MSH3: variants seen among roughly 807,000 people sequenced by gnomAD.
MSH3 encodes mutS homolog 3.
A neutral mutation model predicts 123.3 loss-of-function variants in MSH3; 106 were observed. That is an observed-to-expected ratio of 0.86 (90% confidence interval 0.73 to 1.01). MSH3 has a LOEUF of 1.01. Among genes scored for constraint, MSH3 ranks in the 50% least tolerant of loss-of-function variants. The pLI, the probability that MSH3 is intolerant of heterozygous loss-of-function variation, is 0.00. For missense variants in MSH3, 1,459 were observed against 1,347.6 expected (o/e 1.08, Z -1.29); for synonymous variants, 515 against 481.4 (o/e 1.07, Z -0.91).
intron 20 of MSH3, among the ~76,000 whole-genome samples, chr5:80,827,384 G>A (rs1426308697): frequency 6.6e-6 from 1 of 152,166 alleles, no homozygotes; most frequent in African/African-American, 2.4e-5. Context: ...TCTTGAAAGA[G>A]AATTGGAAGA....
At chr5:80,719,782 C>T (rs1463137989) in intron 8 of MSH3, among the ~76,000 whole-genome samples, 2 of 152,218 alleles carry the variant, frequency 1.3e-5, no homozygotes, top group Admixed American at 6.5e-5. Flanking sequence ...ATATGTATTA[C>T]ATGCTCACCA....
chr5:80,705,631 T>A (rs1750704165), intron 8 of MSH3, among the ~76,000 whole-genome samples: 1 of 152,228 alleles, frequency 6.6e-6, no homozygotes, highest in Admixed American at 6.5e-5. Flanking sequence ...AGAAATTCAT[T>A]ATTTCATAGT....
rs761779919 is a variant in MSH3, at chr5:80,678,930, G to A, written c.1177G>A (p.Val393Met). ...KGNIFIGIVG[V>M]QPATGEVVFD... The stretch of plus-strand genomic sequence containing the variant: ...TTATATTTGTATTTGTTTTTAGGGA[G>A]TGCAGCCTGCCACAGGCGAGGTTGT... The change falls in exon 8 of 24, where the codon GTG becomes ATG. Residue 393 changes from valine to methionine, a missense_variant. By Grantham distance (21) the Val-to-Met change is conservative. Coordinates refer to ENST00000265081, the MANE Select transcript of MSH3 (RefSeq NM_002439.5). The A allele has an allele frequency of 1.1e-4, 174 of 1,613,988 alleles. No individual in the cohort carries two copies. The highest frequency in any genetic ancestry group is 1.3e-5 in the Non-Finnish European group (15 of 1,180,008).
intron 8 of MSH3, among the ~76,000 whole-genome samples, chr5:80,692,665 CATGTATAT>C (rs1750329235): frequency 7.1e-6 from 1 of 139,966 alleles, no homozygotes; most frequent in Admixed American, 7.1e-5. Flanking sequence ...TATATATACA[CATGTATAT>C]GTTTATGTTT....
At chr5:80,703,789 A>G (rs1012326988) in intron 8 of MSH3, among the ~76,000 whole-genome samples, 33 of 152,054 alleles carry the variant, frequency 2.2e-4, no homozygotes, top group African/African-American at 7.7e-4. Context: ...GATGTGCTCT[A>G]GAAACATATA....
intron 19 of MSH3, among the ~76,000 whole-genome samples, chr5:80,804,219 CTT>C (rs1744842557): frequency 6.6e-6 from 1 of 152,164 alleles, no homozygotes; most frequent in Non-Finnish European, 1.5e-5. Context: ...TGTGTGTCCT[CTT>C]TAATTTTTTG....
intron 15 of MSH3, among the ~76,000 whole-genome samples, chr5:80,770,980 TTATCTTTAC>T (rs1744205112): frequency 6.6e-6 from 1 of 152,188 alleles, no homozygotes. Context: ...CAGTTATCTT[TTATCTTTAC>T]TAGGTTAAGT....
chr5:80,691,900 T>G (rs190247065), intron 8 of MSH3, among the ~76,000 whole-genome samples: 2 of 134,274 alleles, frequency 1.5e-5, no homozygotes, highest in African/African-American at 2.8e-5. Flanking sequence ...TATATGTTTA[T>G]ATAGATAAAC....
chr5:80,808,136 AATT>A (rs1671870312), intron 19 of MSH3, among the ~76,000 whole-genome samples: 1 of 152,080 alleles, frequency 6.6e-6, no homozygotes, highest in Non-Finnish European at 1.5e-5. Context: ...ATAGTCTTCT[AATT>A]ATTTGTTGCT....
chr5:80,824,757 A>G (rs978541716), intron 20 of MSH3, among the ~76,000 whole-genome samples: 6 of 152,200 alleles, frequency 3.9e-5, no homozygotes, highest in African/African-American at 1.4e-4. Context: ...ACTAAGCATT[A>G]CTATTGTATA....
Position 80,854,315 on chromosome 5 carries a change from A to T in MSH3, c.2999A>T (p.Asp1000Val). Residue 1000 changes from aspartate to valine, a missense_variant and splice_region_variant, in exon 21 of 24, where the codon GAT becomes GTT. Physicochemically the swap from Asp to Val is radical, Grantham distance 152. Transcript: ENST00000265081. Reference protein sequence around the residue: ...AYATLEYFIRDVKSLTLFVTH... With the variant: ...AYATLEYFIRVVKSLTLFVTH... ...GCTACACTTGAGTATTTCATCAGAGATGTAAGTATCCGGTAAACTGTATTT... is the reference window on the plus strand; with the variant it reads ...GCTACACTTGAGTATTTCATCAGAGTTGTAAGTATCCGGTAAACTGTATTT... The T allele has an allele frequency of 6.2e-7, 1 of 1,612,604 alleles. No individual in the cohort carries two copies. Among genetic ancestry groups the T allele is most frequent in the Non-Finnish European group, 8.5e-7 (1 of 1,178,730 alleles).
chr5:80,680,963 G>A (rs1749959468), intron 8 of MSH3, among the ~76,000 whole-genome samples: 1 of 152,210 alleles, frequency 6.6e-6, no homozygotes, highest in African/African-American at 2.4e-5. Flanking sequence ...CGTTTCTGAT[G>A]ATTTCCTTAA....
rs1478384836 is a variant in MSH3, at chr5:80,876,244, A to G, written c.*382A>G. ...GGGTGAATCTGGCAGGAATCTATCC[A>G]TTGAACTAAAATAATTTTATTATGC... On this transcript the variant is annotated 3_prime_UTR_variant, in exon 24 of 24. Transcript: ENST00000265081. 8.1e-6 allele frequency: 2 copies of G among 247,190 alleles called. No homozygotes were observed. The highest frequency in any genetic ancestry group is 1.6e-5 in the Non-Finnish European group (2 of 127,432). 15.3% of individuals were successfully genotyped at this position (247,190 alleles called of 1,614,324 possible). A position where few individuals can be genotyped will look rare whatever the true frequency, so the allele number is the denominator to read the frequency against.
chr5:80,831,890 C>T (rs911806968), intron 20 of MSH3, among the ~76,000 whole-genome samples: 72 of 151,950 alleles, frequency 4.7e-4, no homozygotes, highest in African/African-American at 1.6e-3. Flanking sequence ...GGGTGGATCA[C>T]GAGGTCAGGA....
intron 12 of MSH3, chr5:80,746,761 T>C: frequency 2.5e-6 from 1 of 401,376 alleles, no homozygotes; most frequent in Non-Finnish European, 5.0e-6. Flanking sequence ...ACAGATTGTT[T>C]GGCAATTTCC....
intron 21 of MSH3, among the ~76,000 whole-genome samples, chr5:80,859,060 C>T (rs959516122): frequency 1.3e-5 from 2 of 151,970 alleles, no homozygotes; most frequent in African/African-American, 4.8e-5. Flanking sequence ...CTCTAACTTC[C>T]TTTAGAAATT....
rs147777411 is a variant in MSH3, at chr5:80,670,317, G to C, written c.792+8G>C. The C allele has an allele frequency of 6.2e-7, 1 of 1,611,852 alleles. No homozygotes were observed. The highest frequency in any genetic ancestry group is 1.7e-5 in the Admixed American group (1 of 60,016). ...TTTGGGGAAGATGCAGAGGTAAGTC[G>C]TCTTTTCAGGCACTATTTTATATTT... is the stretch of plus-strand genomic sequence containing the variant. On this transcript the variant is annotated splice_region_variant and intron_variant, in intron 4 of 23. Transcript: ENST00000265081.
At chr5:80,861,179 G>C (rs1238783654) in intron 21 of MSH3, among the ~76,000 whole-genome samples, 1 of 152,142 alleles carries the variant, frequency 6.6e-6, no homozygotes, top group African/African-American at 2.4e-5. Flanking sequence ...TGCTTGCTCT[G>C]TCTCTTCATA....
intron 12 of MSH3, among the ~76,000 whole-genome samples, chr5:80,757,964 C>G (rs536553731): frequency 1.3e-5 from 2 of 152,068 alleles, no homozygotes; most frequent in African/African-American, 4.8e-5. Context: ...TATACCTAAC[C>G]GCAGTGATGA....
Sources: allele counts gnomAD v4.1 joint callset (sites outside exome capture counted in the v4.1 genomes callset), GRCh38; gene constraint gnomAD v4.1.1; transcripts MANE v1.5; gene names NCBI Gene and HGNC (gene_info 2026-07-23, HGNC 2026-07-21).